The following CHKA variants were observed in gnomAD, a reference collection of about 807,000 sequenced individuals.
CHKA encodes CHETK-alpha.
Under a neutral mutation model 60.1 loss-of-function variants are expected in CHKA, and 34 were observed. That is an observed-to-expected ratio of 0.57 (90% CI 0.43 to 0.75). The LOEUF is 0.75. Among genes scored for constraint, CHKA ranks in the 30% least tolerant of loss-of-function variants. The probability of loss-of-function intolerance (pLI) is 0.00; values close to 1 mark genes in which losing one functional copy is unlikely to be tolerated. For synonymous variants in CHKA, 217 were observed against 223.1 expected (o/e 0.97, Z 0.24); for missense variants, 563 against 561.3 (o/e 1.00, Z -0.03).
chr11:68,054,165 A>G (rs966680489), intron 11 of CHKA, 118 bp from the exon 12 acceptor site: 2 of 818,634 alleles, frequency 2.4e-6, no homozygotes, highest in Non-Finnish European at 4.1e-6. Flanking sequence ...TGAGACCAAA[A>G]GCACAGGACT....
At chr11:68,110,912 C>T (rs1279034263) in intron 1 of CHKA, among the ~76,000 whole-genome samples, 3 of 150,478 alleles carry the variant, frequency 2.0e-5, no homozygotes, top group African/African-American at 7.3e-5. Flanking sequence ...GCAGGAGAAT[C>T]GCTTGAATCC....
At chr11:68,068,493 C>T (rs1856513775) in intron 7 of CHKA, among the ~76,000 whole-genome samples, 1 of 151,718 alleles carries the variant, frequency 6.6e-6, no homozygotes, top group Admixed American at 6.6e-5. Context: ...TCACAGCATA[C>T]TATAGCCTTG....
At chr11:68,095,402 CAAAAAAAAAAA>C (rs35029853) in intron 2 of CHKA, among the ~76,000 whole-genome samples, 1 of 12,484 alleles carries the variant, frequency 8.0e-5, no homozygotes, top group Non-Finnish European at 1.3e-4. Context: ...GACTCCATCT[CAAAAAAAAAAA>C]AAAAAAAAAA....
intron 3 of CHKA, among the ~76,000 whole-genome samples, chr11:68,077,985 C>T (rs1020188311): frequency 6.6e-6 from 1 of 152,144 alleles, no homozygotes; most frequent in Non-Finnish European, 1.5e-5. Context: ...CTGGGGCTTA[C>T]AGATACCAAT....
At chr11:68,111,779 A>T (rs11535788) in intron 1 of CHKA, among the ~76,000 whole-genome samples, 1 of 151,512 alleles carries the variant, frequency 6.6e-6, no homozygotes, top group Non-Finnish European at 1.5e-5. Context: ...ACATGCCCGG[A>T]GCGGTAGCTC....
At chr11:68,058,579 C>T (rs1283764563) in intron 11 of CHKA, among the ~76,000 whole-genome samples, 1 of 152,198 alleles carries the variant, frequency 6.6e-6, no homozygotes, top group Non-Finnish European at 1.5e-5. Context: ...AGAAATCCAA[C>T]TGATTTTTGT....
chr11:68,082,181 G>A (rs758346837), intron 2 of CHKA: 1 of 151,548 alleles, frequency 6.6e-6, no homozygotes, highest in Non-Finnish European at 1.5e-5. Context: ...CAACACACTA[G>A]ATCATTAACT....
intron 2 of CHKA, among the ~76,000 whole-genome samples, chr11:68,083,549 G>C (rs750047378): frequency 3.3e-5 from 5 of 152,160 alleles, no homozygotes; most frequent in Admixed American, 6.5e-5. Flanking sequence ...GGGAGATACA[G>C]TTAATGGGTT....
chr11:68,065,758 A>G (rs1856421106), intron 9 of CHKA, 28 bp downstream of exon 9: 1 of 1,400,626 alleles, frequency 7.1e-7, no homozygotes, highest in Non-Finnish European at 1.0e-6. Context: ...TAATTTTCCT[A>G]TCAAGTATAC....
Position 68,085,484 on chromosome 11 carries a change from G to A in CHKA, c.463-4027C>T, listed in dbSNP as rs1416380697. On this transcript the variant is annotated intron_variant, in intron 2 of 11. Coordinates refer to ENST00000265689, the MANE Select transcript of CHKA (RefSeq NM_001277.3). The stretch of plus-strand genomic sequence containing the variant: ...GATCCTCCTGCCACAGTCTCCCAAA[G>A]GGCTGAGATTACAGGCATGAGCCAC... Among the ~76,000 whole-genome samples, 5 of 151,946 alleles carry A rather than the reference G, an allele frequency of 3.3e-5. No individual in the cohort carries two copies. In the East Asian group the frequency reaches 9.7e-4, roughly 29 times the overall value.
chr11:68,084,419 T>C (rs1299588452), intron 2 of CHKA, among the ~76,000 whole-genome samples: 1 of 73,078 alleles, frequency 1.4e-5, no homozygotes, highest in Non-Finnish European at 2.8e-5. Flanking sequence ...TGTGTATATA[T>C]ATATACACAT....
chr11:68,067,831 C>A (rs569988655), intron 7 of CHKA, among the ~76,000 whole-genome samples: 1 of 152,276 alleles, frequency 6.6e-6, no homozygotes, highest in East Asian at 1.9e-4. Context: ...CGATGAGCAG[C>A]TAATTAGTAA....
At chr11:68,071,574 C>T (rs111815831) in intron 4 of CHKA, among the ~76,000 whole-genome samples, 7 of 152,344 alleles carry the variant, frequency 4.6e-5, no homozygotes, top group African/African-American at 1.4e-4. Flanking sequence ...CAACCTGCCA[C>T]CCTGCAGAAA....
chr11:68,113,853 T>C (rs964405663), intron 1 of CHKA, among the ~76,000 whole-genome samples: 2 of 151,696 alleles, frequency 1.3e-5, no homozygotes, highest in African/African-American at 4.9e-5. Context: ...TAGCTAGGCG[T>C]AGTGGCAGGT....
At chr11:68,091,662 T>G (rs1041337269) in intron 2 of CHKA, among the ~76,000 whole-genome samples, 1 of 152,220 alleles carries the variant, frequency 6.6e-6, no homozygotes, top group Non-Finnish European at 1.5e-5. Context: ...TTCTGGCACT[T>G]AACCCTTAGA....
intron 1 of CHKA, among the ~76,000 whole-genome samples, chr11:68,117,478 C>T (rs1858435018): frequency 6.6e-6 from 1 of 152,116 alleles, no homozygotes; most frequent in South Asian, 2.1e-4. Context: ...CACCTGAGGT[C>T]AGGAGTTCGA....
intron 2 of CHKA, among the ~76,000 whole-genome samples, chr11:68,091,760 GAA>G (rs1165970927): frequency 6.6e-6 from 1 of 152,136 alleles, no homozygotes; most frequent in African/African-American, 2.4e-5. Context: ...AGAAAAATGA[GAA>G]AGTTGAGAAT....
At chr11:68,096,421 CATT>C (rs1033380076) in intron 2 of CHKA, among the ~76,000 whole-genome samples, 1 of 151,874 alleles carries the variant, frequency 6.6e-6, no homozygotes, top group Non-Finnish European at 1.5e-5. Context: ...AAATTCATGA[CATT>C]AATAATAATA....
At position 68,074,707 on chromosome 11, in the gene CHKA, C is replaced by T; in HGVS notation, c.630+10G>A. ...CATATGTCAACTAAGCGTTTATGAACAAATCTTACCGGGATGAACTGCTCC... is the reference window on the plus strand; with the variant it reads ...CATATGTCAACTAAGCGTTTATGAATAAATCTTACCGGGATGAACTGCTCC... On this transcript the variant is annotated intron_variant, in intron 4 of 11. Coordinates refer to ENST00000265689, the MANE Select transcript of CHKA (RefSeq NM_001277.3). The T allele has an allele frequency of 6.2e-7, 1 of 1,613,700 alleles. No homozygotes were observed. Among genetic ancestry groups the T allele is most frequent in the Non-Finnish European group, 8.5e-7 (1 of 1,179,606 alleles).
Sources: allele counts gnomAD v4.1 joint callset (sites outside exome capture counted in the v4.1 genomes callset), GRCh38; gene constraint gnomAD v4.1.1; transcripts MANE v1.5; gene names NCBI Gene and HGNC (gene_info 2026-07-23, HGNC 2026-07-21).